The following NAPRT variants were observed in gnomAD, a reference collection of about 807,000 sequenced individuals.
NAPRT encodes the protein nicotinate phosphoribosyltransferase.
Under a neutral mutation model 60.7 loss-of-function variants are expected in NAPRT, and 66 were observed. The observed-to-expected ratio is 1.09, with a 90% CI of 0.89 to 1.33. NAPRT has a LOEUF of 1.33. Among genes scored for constraint, NAPRT ranks in the 40% most tolerant of loss-of-function variants. The probability of loss-of-function intolerance (pLI) is 0.00; values close to 1 mark genes in which losing one functional copy is unlikely to be tolerated. For missense variants in NAPRT, 818 were observed against 731.5 expected, an observed-to-expected ratio of 1.12 and a Z score of -1.36; for synonymous variants, 405 against 335.7, an observed-to-expected ratio of 1.21 and a Z score of -2.26.
downstream of NAPRT, chr8:143,574,606 C>T: frequency 1.6e-6 from 1 of 617,810 alleles, no homozygotes. Context: ...GGGAACTCCT[C>T]ACTGCCCTTC....
chr8:143,577,298 A>C lies in NAPRT; in HGVS notation c.539T>G (p.Leu180Arg). 1 of 1,607,574 alleles carries C rather than the reference A, an allele frequency of 6.2e-7. No homozygotes were observed. ...LRRAQGPDGG[L>R]TASTYSYLGG... ...CAGGTAGCTGTAGGTGGAGGCTGTC[A>C]GGCCCCCATCGGGGCCCTGAGCCCG... is the stretch of plus-strand genomic sequence containing the variant. Residue 180 changes from leucine to arginine, a missense_variant, in exon 4 of 13, where the codon CTG becomes CGG. Transcript: ENST00000449291.
Position 143,577,441 on chromosome 8 carries a change from A to G in NAPRT, c.438-42T>C, listed in dbSNP as rs768552550. The G allele has an allele frequency of 7.6e-6, 12 of 1,575,158 alleles. No homozygotes were observed. The South Asian group carries it at 1.4e-4, about 18-fold the overall frequency. Reference sequence around the variant, plus strand: ...GTCAGGGGGTCCCAGGGTGAGGATCACTAGGCCACCCAAGACGGCGGTTAC... The same window carrying G: ...GTCAGGGGGTCCCAGGGTGAGGATCGCTAGGCCACCCAAGACGGCGGTTAC... On this transcript the variant is annotated intron_variant, in intron 3 of 12. Coordinates refer to ENST00000449291, the MANE Select transcript of NAPRT (RefSeq NM_145201.6).
chr8:143,576,047 C>T (rs1254434363), intron 8 of NAPRT, 31 bp downstream of exon 8: 1 of 1,534,296 alleles, frequency 6.5e-7, no homozygotes, highest in Non-Finnish European at 8.8e-7. Flanking sequence ...GCCCCCCAGC[C>T]ACCCTCCGCC....
intron 12 of NAPRT, 40 bp from the exon 13 acceptor site, chr8:143,574,940 G>T (rs570217505): frequency 6.5e-7 from 1 of 1,550,116 alleles, no homozygotes. Flanking sequence ...GCAGGGTGAG[G>T]GCGGGGGCGC....
At chr8:143,575,127 G>T (rs758811777) in intron 11 of NAPRT, 34 bp from the exon 12 acceptor site, 22 of 1,559,994 alleles carry the variant, frequency 1.4e-5, no homozygotes, top group African/African-American at 4.1e-5. Flanking sequence ...AGAAGCTTGG[G>T]GCTAGCTCCC....
At chr8:143,575,989 G>C (rs1043211749) in intron 8 of NAPRT, 89 bp downstream of exon 8, 14 of 1,119,812 alleles carry the variant, frequency 1.3e-5, no homozygotes, top group Non-Finnish European at 1.6e-5. Flanking sequence ...CCCTGGGCGG[G>C]GAAGGAGGTG....
In NAPRT at chr8:143,576,631, A is replaced by G. The variant is rs748549931; in HGVS notation, c.881+15T>C. The G allele has an allele frequency of 6.2e-7, 1 of 1,605,800 alleles. No homozygotes were observed. The highest frequency in any genetic ancestry group is 8.5e-7 in the Non-Finnish European group (1 of 1,175,046). The stretch of plus-strand genomic sequence containing the variant: ...GAGGTTCTGCTGAGCCCACCCCTAA[A>G]GTGCCCGGGCTCACCTCCACACGCT... On this transcript the variant is annotated intron_variant, in intron 6 of 12. Transcript: ENST00000449291.
chr8:143,577,905 C>T lies in NAPRT; in HGVS notation c.265G>A (p.Asp89Asn). ...FLASVLPPDT[D>N]PAFFEHLRAL... ...CGAAGGTGCTCGAAGAACGCAGGATCCGTGTCTGGGGGCAGCACCGAGGCC... is the reference window on the plus strand; with the variant it reads ...CGAAGGTGCTCGAAGAACGCAGGATTCGTGTCTGGGGGCAGCACCGAGGCC... Residue 89 changes from aspartate (D) to asparagine (N), a missense_variant, in exon 2 of 13, where the codon GAT (aspartate) becomes AAT (asparagine). Physicochemically the swap from Asp to Asn is conservative, Grantham distance 23. Coordinates refer to ENST00000449291, the MANE Select transcript of NAPRT (RefSeq NM_145201.6). 2.5e-6 allele frequency: 4 copies of T among 1,612,206 alleles called. No individual in the cohort carries two copies. Among genetic ancestry groups the T allele is most frequent in the Non-Finnish European group, 3.4e-6 (4 of 1,179,640 alleles).
intron 7 of NAPRT, 101 bp from the exon 8 acceptor site, chr8:143,576,263 G>T: frequency 7.2e-7 from 1 of 1,384,946 alleles, no homozygotes; most frequent in Non-Finnish European, 9.8e-7. Context: ...AAGGACACCT[G>T]TGCTCACCTT....
In NAPRT at chr8:143,577,895, AACGCAGG is replaced by A. The variant is rs1482416055; in HGVS notation, c.268_274del (p.Pro90SerfsTer13). The A allele has an allele frequency of 6.2e-7, 1 of 1,612,320 alleles. No homozygotes were observed. The highest frequency in any genetic ancestry group is 1.7e-5 in the Admixed American group (1 of 60,000). On this transcript the variant is annotated frameshift_variant, in exon 2 of 13. Coordinates refer to ENST00000449291, the MANE Select transcript of NAPRT (RefSeq NM_145201.6). LOFTEE classifies it high-confidence loss of function. ...GTCGAGGGCCCGAAGGTGCTCGAAG[AACGCAGG>A]ATCCGTGTCTGGGGGCAGCACCGAG...
chr8:143,577,221 G>A (rs1824533345), intron 4 of NAPRT, 44 bp from the exon 5 acceptor site: 2 of 1,604,650 alleles, frequency 1.2e-6, no homozygotes, highest in Admixed American at 1.7e-5. Context: ...GGGCCAAGAT[G>A]GGGCTCCTCC....
rs1824519655 is a variant in NAPRT at position 143,577,077 on chromosome 8, C to T, written c.669G>A (p.Glu223=). 1 of 1,612,962 alleles carries T rather than the reference C, an allele frequency of 6.2e-7. No individual in the cohort carries two copies. Among genetic ancestry groups the T allele is most frequent in the Non-Finnish European group, 8.5e-7 (1 of 1,179,894 alleles). The change falls in exon 5 of 13, where the codon GAG becomes GAA. Residue 223 remains glutamate (E), a synonymous_variant. Coordinates refer to ENST00000449291, the MANE Select transcript of NAPRT (RefSeq NM_145201.6). ...AGGGACTGACCGGGTCAGGGGGCAC[C>T]TCGCTGCCTGAAAAGGAAGTGACGA... ...HSFVTSFSGS[E]VPPDPMLAPA...
In NAPRT at chr8:143,576,434, G is replaced by A. The variant is rs757309238; in HGVS notation, c.1020C>T (p.Ala340=). ...EIRKVFRAAA[A]QFQVPWLESV... ...CACCTCCTCCCCGGGAAACTCACTG[G>A]GCTGCAGCAGCTCGGAAGACCTTGC... The change falls in exon 7 of 13, where the codon GCC becomes GCT. Residue 340 remains alanine, a splice_region_variant and synonymous_variant. Coordinates refer to ENST00000449291, the MANE Select transcript of NAPRT (RefSeq NM_145201.6). The A allele has an allele frequency of 1.9e-6, 3 of 1,601,556 alleles. No individual in the cohort carries two copies. The Admixed American group carries it at 5.1e-5, about 27-fold the overall frequency.
rs1215662150 is a variant in NAPRT at position 143,575,260 on chromosome 8, G to T, written c.1377C>A (p.Ala459=). Residue 459 remains alanine (A), a synonymous_variant, in exon 11 of 13, where the codon GCC becomes GCA. Transcript: ENST00000449291. ...CTGGCCTCACGGTGCAGGGCTCCTG[G>T]GCCCCTGGAGGCCACACCCTCAGCT... ...GQELRVWPPG[A]QEPCTVRPAQ... is the part of the protein sequence containing the mutation. 1.9e-6 allele frequency: 3 copies of T among 1,612,488 alleles called. No individual in the cohort carries two copies. The Admixed American group carries it at 5.0e-5, about 27-fold the overall frequency.
rs199855628 is a variant in NAPRT at position 143,575,514 on chromosome 8, C to T, written c.1200G>A (p.Val400=). ...TCAGCTTCATTCGTGGCTGGCCCCC[C>T]ACGGCCACCAGCTGCAGGAAGAGGG... ...SLGGVYKLVA[V]GGQPRMKLTE... is the part of the protein sequence containing the mutation. The change falls in exon 10 of 13, where the codon GTG becomes GTA. Residue 400 remains valine, a synonymous_variant. Transcript: ENST00000449291. The T allele has an allele frequency of 6.3e-7, 1 of 1,598,494 alleles. No individual in the cohort carries two copies. The highest frequency in any genetic ancestry group is 1.1e-5 in the South Asian group (1 of 90,812).
Position 143,576,089 on chromosome 8 carries a change from G to C in NAPRT, c.1096C>G (p.Leu366Val), listed in dbSNP as rs774366937. ...CTCATCCACCCCACCTCCTGGGCCA[G>C]TCGGGCCAGCGCCTCCTCGTCAATG... is the stretch of plus-strand genomic sequence containing the variant. Reference protein sequence around the residue: ...NNIDEEALARLAQEGSEVNVI... With the variant: ...NNIDEEALARVAQEGSEVNVI... The change falls in exon 8 of 13, where the codon CTG becomes GTG. Residue 366 changes from leucine to valine, a missense_variant. Coordinates refer to ENST00000449291, the MANE Select transcript of NAPRT (RefSeq NM_145201.6). The C allele has an allele frequency of 6.3e-7, 1 of 1,597,402 alleles. No homozygotes were observed.
downstream of NAPRT, chr8:143,574,714 G>T: frequency 8.3e-7 from 1 of 1,201,542 alleles, no homozygotes; most frequent in Non-Finnish European, 1.2e-6. Flanking sequence ...CCCGACTCCA[G>T]CCCAGCCGCA....
At chr8:143,574,939 G>A (rs1171118599) in intron 12 of NAPRT, 39 bp from the exon 13 acceptor site, 1 of 1,550,026 alleles carries the variant, frequency 6.5e-7, no homozygotes, top group Non-Finnish European at 8.7e-7. Context: ...GGCAGGGTGA[G>A]GGCGGGGGCG....
chr8:143,575,595 C>CA (rs1563930326), intron 9 of NAPRT, 27 bp downstream of exon 9: 1 of 1,586,808 alleles, frequency 6.3e-7, no homozygotes, highest in African/African-American at 1.3e-5. Flanking sequence ...GACCTGCCCC[C>CA]ACCTGGGCCC....
Sources: allele counts gnomAD v4.1 joint callset, GRCh38; gene constraint gnomAD v4.1.1; transcripts MANE v1.5; gene names NCBI Gene and HGNC (gene_info 2026-07-23, HGNC 2026-07-21).